The following PGAP1 variants were observed in gnomAD, a reference collection of about 807,000 sequenced individuals.
The protein encoded by PGAP1 is GPI inositol-deacylase.
PGAP1 carries 76 observed loss-of-function variants against 127.0 expected under a neutral mutation model. The observed-to-expected ratio is 0.60, with a 90% CI of 0.50 to 0.72. The LOEUF is 0.72. Among genes scored for constraint, PGAP1 ranks in the 30% least tolerant of loss-of-function variants. The pLI is 0.00. For synonymous variants in PGAP1, 362 were observed against 366.5 expected, an observed-to-expected ratio of 0.99 and a Z score of 0.14; for missense variants, 982 against 1,071.3, an observed-to-expected ratio of 0.92 and a Z score of 1.16.
At chr2:196,841,574 G>C (rs1419160048) in intron 26 of PGAP1, among the ~76,000 whole-genome samples, 2 of 152,142 alleles carry the variant, frequency 1.3e-5, no homozygotes, top group African/African-American at 2.4e-5. Flanking sequence ...CTGGAGTGCA[G>C]TGGCGCAATC....
intron 20 of PGAP1, among the ~76,000 whole-genome samples, chr2:196,858,318 C>T (rs1395892099): frequency 1.3e-5 from 2 of 151,494 alleles, no homozygotes; most frequent in Non-Finnish European, 2.9e-5. Context: ...AGGAGAATGG[C>T]GTAAACCAGG....
chr2:196,844,068 T>C lies in PGAP1; in HGVS notation c.2345A>G (p.Lys782Arg). The C allele has an allele frequency of 6.4e-7, 1 of 1,558,462 alleles. No homozygotes were observed. Among genetic ancestry groups the C allele is most frequent in the Non-Finnish European group, 8.7e-7 (1 of 1,144,792 alleles). The stretch of plus-strand genomic sequence containing the variant: ...TTTCTTTTCACTTCTTCTAGAGTGT[T>C]TGGGATTCTATAAAACAATAAAGTA... ...TFKNSQPVNP[K>R]HSRRSEKKSN... Residue 782 changes from lysine to arginine, a missense_variant, in exon 25 of 27, where the codon AAA becomes AGA. Lys to Arg is a conservative substitution (Grantham distance 26). Transcript: ENST00000354764.
chr2:196,848,046 T>TC lies in PGAP1; in HGVS notation c.1862-10_1862-9insG. The TC allele has an allele frequency of 6.4e-7, 1 of 1,574,570 alleles. No homozygotes were observed. Among genetic ancestry groups the TC allele is most frequent in the Non-Finnish European group, 8.6e-7 (1 of 1,161,120 alleles). The stretch of plus-strand genomic sequence containing the variant: ...ATATTCTAAGCAACAACCTGGTGAT[T>TC]TAAAAAAAGTTACATGCAATTTACA... On this transcript the variant is annotated splice_polypyrimidine_tract_variant and intron_variant, in intron 20 of 26. Coordinates refer to ENST00000354764, the MANE Select transcript of PGAP1 (RefSeq NM_024989.4).
intron 25 of PGAP1, 79 bp downstream of exon 25, chr2:196,843,809 T>C (rs1342098405): frequency 7.0e-6 from 6 of 860,046 alleles, no homozygotes; most frequent in African/African-American, 1.7e-5. Context: ...TCATTAACCA[T>C]TAGGAATCTA....
chr2:196,893,109 T>A, intron 8 of PGAP1, 31 bp downstream of exon 8: 1 of 1,311,364 alleles, frequency 7.6e-7, no homozygotes. Context: ...AAATACTTCA[T>A]TTAAAATTAA....
At chr2:196,876,186 T>A (rs190947516) in intron 13 of PGAP1, among the ~76,000 whole-genome samples, 108 of 152,262 alleles carry the variant, frequency 7.1e-4, no homozygotes, top group Non-Finnish European at 1.1e-3. Flanking sequence ...AAGATTTAGA[T>A]ACTATGTCTC....
chr2:196,921,850 T>C (rs1170004874), intron 1 of PGAP1, among the ~76,000 whole-genome samples: 1 of 152,060 alleles, frequency 6.6e-6, no homozygotes, highest in African/African-American at 2.4e-5. Context: ...TGGTGGGAGT[T>C]GTAGGCAAAT....
At chr2:196,845,073 G>T (rs1277952488) in intron 23 of PGAP1, among the ~76,000 whole-genome samples, 1 of 151,846 alleles carries the variant, frequency 6.6e-6, no homozygotes, top group Non-Finnish European at 1.5e-5. Flanking sequence ...ATTTATTAGG[G>T]TTACTTAAGT....
intron 4 of PGAP1, among the ~76,000 whole-genome samples, chr2:196,912,573 C>T (rs1294536168): frequency 7.3e-6 from 1 of 137,174 alleles, no homozygotes; most frequent in Non-Finnish European, 1.5e-5. Context: ...GAGCAAGACC[C>T]TGTCTTTAAA....
chr2:196,885,401 A>C (rs1030846068), intron 12 of PGAP1, 23 bp downstream of exon 12: 1 of 1,550,544 alleles, frequency 6.4e-7, no homozygotes, highest in Non-Finnish European at 8.8e-7. Context: ...ACTGAATATT[A>C]AAATTCTGAA....
At position 196,902,566 on chromosome 2, in the gene PGAP1, A is replaced by C; in HGVS notation, c.807+19T>G. 1 of 1,581,096 alleles carries C rather than the reference A, an allele frequency of 6.3e-7. No homozygotes were observed. Among genetic ancestry groups the C allele is most frequent in the Non-Finnish European group, 8.6e-7 (1 of 1,161,848 alleles). ...GTCTATTACATTACTATTTCAATAG[A>C]ATCTTAAAAAAAGATTACCACAACA... is the stretch of plus-strand genomic sequence containing the variant. On this transcript the variant is annotated intron_variant, in intron 5 of 26. Transcript: ENST00000354764.
chr2:196,920,582 A>C (rs1309109415), intron 1 of PGAP1, among the ~76,000 whole-genome samples: 2 of 152,166 alleles, frequency 1.3e-5, no homozygotes, highest in East Asian at 3.9e-4. Context: ...CTCTCCTTTT[A>C]CTCAGACCCA....
In PGAP1 at chr2:196,833,700, CA is replaced by C. The variant is rs1700158373; in HGVS notation, c.*7533del. On this transcript the variant is annotated 3_prime_UTR_variant, in exon 27 of 27. Transcript: ENST00000354764. ...AGGTAGTGGAGGTAAAATGGGAAAA[CA>C]ATGTGTTGAGTTTACTTTCAAAATT... The C allele has an allele frequency of 6.6e-6, 1 of 151,972 alleles. No homozygotes were observed. The highest frequency in any genetic ancestry group is 2.4e-5 in the African/African-American group (1 of 41,408). 9.4% of individuals were successfully genotyped at this position (151,972 alleles called of 1,614,324 possible).
chr2:196,874,869 A>G (rs1576135087), intron 14 of PGAP1, among the ~76,000 whole-genome samples: 1 of 152,226 alleles, frequency 6.6e-6, no homozygotes. Context: ...CAAAAAAATT[A>G]GCTGAGCATG....
chr2:196,867,105 C>G (rs533763478), intron 19 of PGAP1, among the ~76,000 whole-genome samples: 1 of 152,170 alleles, frequency 6.6e-6, no homozygotes, highest in African/African-American at 2.4e-5. Context: ...ACTAGAAATA[C>G]CATTTCACCT....
chr2:196,895,315 T>A (rs190987891), intron 7 of PGAP1, among the ~76,000 whole-genome samples: 37 of 152,356 alleles, frequency 2.4e-4, no homozygotes, highest in African/African-American at 7.5e-4. Context: ...CCAATTTTTT[T>A]AGGAATATAC....
Position 196,884,907 on chromosome 2 carries a change from C to T in PGAP1, c.1272+517G>A, listed in dbSNP as rs554081685. On this transcript the variant is annotated intron_variant, in intron 12 of 26. Transcript: ENST00000354764. ...CTTTATAAAAGAACTTGCTGACCTACCAGAGTTGCTTAATCAAATCACAAA... is the reference window on the plus strand; with the variant it reads ...CTTTATAAAAGAACTTGCTGACCTATCAGAGTTGCTTAATCAAATCACAAA... Among the ~76,000 whole-genome samples the T allele has an allele frequency of 1.4e-3, 210 of 152,260 alleles. 1 individual carries two copies. The highest frequency in any genetic ancestry group is 4.9e-3 in the African/African-American group (202 of 41,558).
At chr2:196,894,893 T>C (rs1559359677) in intron 7 of PGAP1, among the ~76,000 whole-genome samples, 1 of 152,130 alleles carries the variant, frequency 6.6e-6, no homozygotes, top group East Asian at 1.9e-4. Context: ...TACTCACAAG[T>C]TTTTAGCTAT....
chr2:196,918,322 T>C (rs1703079879), intron 2 of PGAP1, among the ~76,000 whole-genome samples: 1 of 152,172 alleles, frequency 6.6e-6, no homozygotes, highest in African/African-American at 2.4e-5. Context: ...ACCTGTAACA[T>C]GGAATTACAC....
Sources: gnomAD v4.1 joint callset for allele counts (sites outside exome capture counted in the v4.1 genomes callset) on GRCh38, gnomAD v4.1.1 for gene constraint, MANE v1.5 for transcripts, NCBI Gene and HGNC (gene_info 2026-07-23, HGNC 2026-07-21) for gene names.